Variants in SEMA6B observed in about 807,000 individuals in gnomAD.
The protein encoded by SEMA6B is semaphorin 6B.
In SEMA6B, 47 loss-of-function variants were observed where a neutral mutation model predicts 78.6. That is an observed-to-expected ratio of 0.60 (90% CI 0.47 to 0.76). SEMA6B has a LOEUF of 0.76. Ranked by LOEUF, SEMA6B falls within the 30% of genes least tolerant of loss-of-function variation. The probability of loss-of-function intolerance (pLI) is 0.00; values close to 1 mark genes in which losing one functional copy is unlikely to be tolerated. For missense variants in SEMA6B, 1,213 were observed against 1,269.9 expected, an observed-to-expected ratio of 0.96 and a Z score of 0.68; for synonymous variants, 632 against 592.2, an observed-to-expected ratio of 1.07 and a Z score of -0.98.
chr19:4,556,686 C>A (rs922448244), intron 5 of SEMA6B, among the ~76,000 whole-genome samples: 2 of 151,804 alleles, frequency 1.3e-5, no homozygotes, highest in African/African-American at 2.4e-5. Flanking sequence ...GTGGGCATAG[C>A]CAGAACTATT....
rs1977545613 is a variant in SEMA6B at position 4,558,861 on chromosome 19, GCT to G, written c.-32-374_-32-373del. On this transcript the variant is annotated intron_variant, in intron 1 of 16. Coordinates refer to ENST00000586582, the MANE Select transcript of SEMA6B (RefSeq NM_032108.4). The surrounding 1 kb of genome is among the most constrained non-coding windows in gnomAD (Gnocchi z 5.1). ...AAACACAAAAATATTAAACTCAAAG[GCT>G]AAAAAAAAAAAGAGTCAAAGGCTCT... is the stretch of plus-strand genomic sequence containing the variant. Among the ~76,000 whole-genome samples, 1 of 150,872 alleles carries G rather than the reference GCT, an allele frequency of 6.6e-6. No individual in the cohort carries two copies. The highest frequency in any genetic ancestry group is 2.4e-5 in the African/African-American group (1 of 41,074).
At chr19:4,547,250 G>A (rs1033727270) in intron 14 of SEMA6B, among the ~76,000 whole-genome samples, 3 of 152,088 alleles carry the variant, frequency 2.0e-5, no homozygotes, top group Non-Finnish European at 4.4e-5. Flanking sequence ...GATGACAGAC[G>A]TGAGCTACCA....
chr19:4,549,244 G>C (rs957372010), intron 12 of SEMA6B, among the ~76,000 whole-genome samples: 6 of 148,616 alleles, frequency 4.0e-5, no homozygotes, highest in Non-Finnish European at 7.4e-5. Context: ...CTCTCTCCCT[G>C]TCTCTCTGTC....
Position 4,557,183 on chromosome 19 carries a change from T to A in SEMA6B, c.286A>T (p.Thr96Ser), listed in dbSNP as rs1409723557. The change falls in exon 4 of 17, where the codon ACG becomes TCG. Residue 96 changes from threonine (T) to serine (S), a missense_variant. Transcript: ENST00000586582. ...CTCACCCTCTGGTACCGCAGCTCCGTGGACGTGGGGGGCTCCAGCTCTACG... is the reference window on the plus strand; with the variant it reads ...CTCACCCTCTGGTACCGCAGCTCCGAGGACGTGGGGGGCTCCAGCTCTACG... Reference protein sequence around the residue: ...YRVELEPPTSTELRYQRKLTW... With the variant: ...YRVELEPPTSSELRYQRKLTW... The A allele has an allele frequency of 3.1e-6, 5 of 1,608,092 alleles. No homozygotes were observed. Among genetic ancestry groups the A allele is most frequent in the Non-Finnish European group, 4.2e-6 (5 of 1,176,764 alleles).
chr19:4,546,345 T>C, intron 15 of SEMA6B, 47 bp downstream of exon 15: 3 of 1,591,632 alleles, frequency 1.9e-6, no homozygotes, highest in South Asian at 1.1e-5. Context: ...TCTGGGATCA[T>C]GGGCGGGTCT....
chr19:4,549,195 T>C (rs1977251328), intron 12 of SEMA6B, among the ~76,000 whole-genome samples: 1 of 151,928 alleles, frequency 6.6e-6, no homozygotes, highest in Non-Finnish European at 1.5e-5. Flanking sequence ...CTCTCTTCCC[T>C]ATCTCTGTCT....
At position 4,544,112 on chromosome 19, in the gene SEMA6B, C is replaced by T; in HGVS notation, c.2156G>A (p.Arg719His). The change falls in exon 17 of 17, where the codon CGC (arginine) becomes CAC (histidine). Residue 719 changes from arginine to histidine, a missense_variant. Coordinates refer to ENST00000586582, the MANE Select transcript of SEMA6B (RefSeq NM_032108.4). The surrounding 1 kb of genome is among the most constrained non-coding windows in gnomAD (Gnocchi z 5.1). Reference sequence around the variant, plus strand: ...GGGGTGCGGGTGCGGAGTGGGCAGGCGCTTCTGCGGCAGCGGCGTCTGCTC... The same window carrying T: ...GGGGTGCGGGTGCGGAGTGGGCAGGTGCTTCTGCGGCAGCGGCGTCTGCTC... The part of the protein sequence containing the change: ...TPEQTPLPQK[R>H]LPTPHPHPHA... 2 of 1,272,606 alleles carry T rather than the reference C, an allele frequency of 1.6e-6. No homozygotes were observed. The highest frequency in any genetic ancestry group is 2.0e-6 in the Non-Finnish European group (2 of 1,010,708). The allele number at this position is 1,272,606 out of a possible 1,614,324, so 78.8% of individuals were successfully genotyped here. A position where few individuals can be genotyped will look rare whatever the true frequency, so the allele number is the denominator to read the frequency against.
At position 4,550,850 on chromosome 19, in the gene SEMA6B, G is replaced by A. The variant is rs766034565; in HGVS notation, c.1070C>T (p.Ser357Phe). 9 of 1,613,452 alleles carry A rather than the reference G, an allele frequency of 5.6e-6. No homozygotes were observed. Among genetic ancestry groups the A allele is most frequent in the Non-Finnish European group, 7.6e-6 (9 of 1,180,024 alleles). Reference sequence around the variant, plus strand: ...CACCGGCGTCCAGATGGACTCGGGGGACTTCTGCTCTCGGAAGCGGCCTTC... The same window carrying A: ...CACCGGCGTCCAGATGGACTCGGGGAACTTCTGCTCTCGGAAGCGGCCTTC... ...VFEGRFREQK[S>F]PESIWTPVPE... is the part of the protein sequence containing the mutation. Residue 357 changes from serine to phenylalanine, a missense_variant, in exon 11 of 17, where the codon TCC becomes TTC. Transcript: ENST00000586582. The surrounding 1 kb of genome is among the most constrained non-coding windows in gnomAD (Gnocchi z 6.6).
Position 4,544,051 on chromosome 19 carries a change from G to T in SEMA6B, c.2217C>A (p.His739Gln). The change falls in exon 17 of 17, where the codon CAC (histidine) becomes CAA (glutamine). Residue 739 changes from histidine to glutamine, a missense_variant. His to Gln is a conservative substitution (Grantham distance 24). Transcript: ENST00000586582. The surrounding 1 kb of genome is among the most constrained non-coding windows in gnomAD (Gnocchi z 5.1). ...ALGPRAWDHG[H>Q]PLLPASASSS... ...ATGAAGCGGAGGCCGGGAGCAGGGG[G>T]TGGCCGTGGTCCCAGGCGCGGGGGC... 8.2e-7 allele frequency: 1 copy of T among 1,226,228 alleles called. No individual in the cohort carries two copies. Among genetic ancestry groups the T allele is most frequent in the Non-Finnish European group, 1.0e-6 (1 of 983,654 alleles). The allele number at this position is 1,226,228 out of a possible 1,614,324, so 76.0% of individuals were successfully genotyped here.
At chr19:4,548,529 G>T in intron 12 of SEMA6B, 84 bp from the exon 13 acceptor site, 1 of 1,276,664 alleles carries the variant, frequency 7.8e-7, no homozygotes, top group Non-Finnish European at 1.1e-6. Flanking sequence ...TTACACGGGT[G>T]CATACAGACA....
chr19:4,556,751 T>C (rs1276896001), intron 5 of SEMA6B, among the ~76,000 whole-genome samples, 200 bp downstream of exon 5: 3 of 128,920 alleles, frequency 2.3e-5, no homozygotes, highest in African/African-American at 8.8e-5. Flanking sequence ...TAGGACCAAT[T>C]GGGTGGGGAC....
At chr19:4,557,312 G>C (rs960387792) in intron 3 of SEMA6B, 89 bp from the exon 4 acceptor site, 3 of 852,854 alleles carry the variant, frequency 3.5e-6, no homozygotes, top group East Asian at 2.6e-5. Flanking sequence ...TGTGCACACG[G>C]GGGCATGCAG....
At position 4,548,421 on chromosome 19, in the gene SEMA6B, C is replaced by T. The variant is rs768446858; in HGVS notation, c.1296G>A (p.Val432=). 1 of 1,612,762 alleles carries T rather than the reference C, an allele frequency of 6.2e-7. No homozygotes were observed. The highest frequency in any genetic ancestry group is 1.1e-5 in the South Asian group (1 of 91,076). ...LMRHQLTRVA[V]DVGAGPWGNQ... is the part of the protein sequence containing the mutation. ...TGCCCCAGGGGCCGGCTCCCACGTC[C>T]ACAGCCACTCGAGTCAGCTGGTGCC... The change falls in exon 13 of 17, where the codon GTG becomes GTA. Residue 432 remains valine, a synonymous_variant. Coordinates refer to ENST00000586582, the MANE Select transcript of SEMA6B (RefSeq NM_032108.4).
chr19:4,544,307 A>G lies in SEMA6B; in HGVS notation c.1961T>C (p.Leu654Pro), dbSNP rs768685185. The change falls in exon 17 of 17, where the codon CTG (leucine) becomes CCG (proline). Residue 654 changes from leucine to proline, a missense_variant. Coordinates refer to ENST00000586582, the MANE Select transcript of SEMA6B (RefSeq NM_032108.4). This position sits in a 1 kb window ranked among gnomAD's most constrained non-coding sequence, Gnocchi z 5.1. ...GGGACCCTGCGCCCTGCGCTCGCCC[A>G]GGCGGCTGACGCTCAGCACCGCCTC... ...AGEAVLSVSR[L>P]GERRAQGPGG... is the part of the protein sequence containing the mutation. 2.0e-6 allele frequency: 3 copies of G among 1,478,116 alleles called. No individual in the cohort carries two copies. The highest frequency in any genetic ancestry group is 2.6e-5 in the South Asian group (2 of 77,690). 91.6% of individuals were successfully genotyped at this position (1,478,116 alleles called of 1,614,324 possible).
chr19:4,554,475 C>A lies in SEMA6B; in HGVS notation c.684G>T (p.Glu228Asp), dbSNP rs758788148. 5.0e-6 allele frequency: 8 copies of A among 1,613,348 alleles called. No homozygotes were observed. In the South Asian group the frequency reaches 8.8e-5, roughly 18 times the overall value. ...TVKHDSKWFK[E>D]PYFVHAVEWG... is the part of the protein sequence containing the mutation. ...ACTCCACCGCATGGACAAAGTAAGG[C>A]TCTGCAGGACAGGAGGGGTCAGAAC... is the stretch of plus-strand genomic sequence containing the variant. Residue 228 changes from glutamate to aspartate, a missense_variant and splice_region_variant, in exon 9 of 17, where the codon GAG becomes GAT. Physicochemically the swap from Glu to Asp is conservative, Grantham distance 45 (BLOSUM62 2). Coordinates refer to ENST00000586582, the MANE Select transcript of SEMA6B (RefSeq NM_032108.4).
At position 4,555,924 on chromosome 19, in the gene SEMA6B, G is replaced by A; in HGVS notation, c.471+64C>T. 1.5e-6 allele frequency: 2 copies of A among 1,297,342 alleles called. No homozygotes were observed. The highest frequency in any genetic ancestry group is 2.2e-6 in the Non-Finnish European group (2 of 891,934). 80.4% of individuals were successfully genotyped at this position (1,297,342 alleles called of 1,614,324 possible). ...ACGGCCTGGGGAAAAGCCATGGCCA[G>A]CGGAGGTCGGGCGAGCAGAGGCCTG... On this transcript the variant is annotated intron_variant, in intron 6 of 16. Coordinates refer to ENST00000586582, the MANE Select transcript of SEMA6B (RefSeq NM_032108.4). This position sits in a 1 kb window ranked among gnomAD's most constrained non-coding sequence, Gnocchi z 6.1.
chr19:4,544,372 C>G lies in SEMA6B; in HGVS notation c.1896G>C (p.Arg632=). The G allele has an allele frequency of 1.3e-6, 2 of 1,584,390 alleles. No individual in the cohort carries two copies. The highest frequency in any genetic ancestry group is 1.7e-6 in the Non-Finnish European group (2 of 1,168,404). The change falls in exon 17 of 17, where the codon CGG becomes CGC. Residue 632 remains arginine, a synonymous_variant. Transcript: ENST00000586582. The surrounding 1 kb of genome is among the most constrained non-coding windows in gnomAD (Gnocchi z 5.1). The part of the protein sequence containing the change: ...VGLRERRELA[R]RKDKEAILAH... ...CCAGGATGGCCTCCTTGTCCTTGCG[C>G]CGGGCCAGCTCCCGCCGCTCACGGA...
Position 4,550,783 on chromosome 19 carries a change from T to C in SEMA6B, c.1121+16A>G. On this transcript the variant is annotated intron_variant, in intron 11 of 16. Coordinates refer to ENST00000586582, the MANE Select transcript of SEMA6B (RefSeq NM_032108.4). This position sits in a 1 kb window ranked among gnomAD's most constrained non-coding sequence, Gnocchi z 6.6. ...CCTCATCCGGGCATGTGACTCAGGATGGAGGGGGTTCTCACCGGGGTCGAG... is the reference window on the plus strand; with the variant it reads ...CCTCATCCGGGCATGTGACTCAGGACGGAGGGGGTTCTCACCGGGGTCGAG... The C allele has an allele frequency of 6.2e-7, 1 of 1,613,024 alleles. No homozygotes were observed. Among genetic ancestry groups the C allele is most frequent in the African/African-American group, 1.3e-5 (1 of 75,032 alleles).
At chr19:4,554,840 G>A (rs907055290) in intron 8 of SEMA6B, 136 bp downstream of exon 8, 2 of 1,146,488 alleles carry the variant, frequency 1.7e-6, no homozygotes, top group Non-Finnish European at 2.5e-6. Flanking sequence ...TCTTCAAAAA[G>A]GCCAACAGAT....
Sources: allele counts gnomAD v4.1 joint callset (sites outside exome capture counted in the v4.1 genomes callset), GRCh38; gene constraint gnomAD v4.1.1; non-coding constraint Gnocchi (gnomAD v3.1); transcripts MANE v1.5; gene names NCBI Gene and HGNC (gene_info 2026-07-23, HGNC 2026-07-21).